ZYG11B: variants seen among roughly 807,000 people sequenced by gnomAD.
ZYG11B encodes the protein protein zyg-11 homolog B.
A neutral mutation model predicts 82.4 loss-of-function variants in ZYG11B; 36 were observed. The observed-to-expected ratio is 0.44, with a 90% CI of 0.33 to 0.58. ZYG11B has a LOEUF of 0.58. ZYG11B is among the 20% of genes least tolerant of loss of function. The pLI, the probability that ZYG11B is intolerant of heterozygous loss-of-function variation, is 0.02. For synonymous variants in ZYG11B, 303 were observed against 312.8 expected (o/e 0.97, Z 0.33); for missense variants, 552 against 895.6 (o/e 0.62, Z 4.90).
At chr1:52,789,887 AAATAACT>A in intron 5 of ZYG11B, 109 bp from the exon 6 acceptor site, 1 of 649,134 alleles carries the variant, frequency 1.5e-6, no homozygotes, top group Non-Finnish European at 2.4e-6. Context: ...AGATTGTAAG[AAATAACT>A]GGTGTTTCAT....
intron 10 of ZYG11B, among the ~76,000 whole-genome samples, chr1:52,808,302 T>C (rs1645157709): frequency 6.6e-6 from 1 of 151,928 alleles, no homozygotes; most frequent in Non-Finnish European, 1.5e-5. Context: ...AGACGGAGGT[T>C]GCAGTGAGCC....
chr1:52,787,506 C>G (rs1487866931), intron 5 of ZYG11B, among the ~76,000 whole-genome samples: 1 of 152,200 alleles, frequency 6.6e-6, no homozygotes, highest in Non-Finnish European at 1.5e-5. Flanking sequence ...GATTCTTTTT[C>G]TGAAACTGAG....
intron 13 of ZYG11B, among the ~76,000 whole-genome samples, chr1:52,818,253 G>C (rs1225175197): frequency 6.6e-6 from 1 of 152,076 alleles, no homozygotes; most frequent in East Asian, 1.9e-4. Flanking sequence ...TGAGTGGATC[G>C]CTTGAGCCCG....
Position 52,800,818 on chromosome 1 carries a change from T to TA in ZYG11B, c.1486-993dup, listed in dbSNP as rs1352955264. Among the ~76,000 whole-genome samples the TA allele has an allele frequency of 6.6e-5, 10 of 151,596 alleles. No homozygotes were observed. In the South Asian group the frequency reaches 1.9e-3, roughly 28 times the overall value. Reference sequence around the variant, plus strand: ...CAGCAAGACTCTGTCCCAAAAAAATTAAAAAAAAGGAATTAGTAATAGTAG... The same window carrying TA: ...CAGCAAGACTCTGTCCCAAAAAAATTAAAAAAAAAGGAATTAGTAATAGTAG... On this transcript the variant is annotated intron_variant, in intron 8 of 13. Transcript: ENST00000294353.
At chr1:52,770,586 A>G (rs1644741252) in intron 2 of ZYG11B, among the ~76,000 whole-genome samples, 1 of 151,956 alleles carries the variant, frequency 6.6e-6, no homozygotes. Flanking sequence ...ATATAACTAT[A>G]CTCTCTAGAA....
intron 1 of ZYG11B, among the ~76,000 whole-genome samples, chr1:52,744,458 T>C (rs1301427051): frequency 6.6e-6 from 1 of 152,242 alleles, no homozygotes; most frequent in Non-Finnish European, 1.5e-5. Flanking sequence ...CTACATAGGA[T>C]AGAACTGAGT....
chr1:52,805,561 G>T, intron 10 of ZYG11B: 1 of 451,964 alleles, frequency 2.2e-6, no homozygotes, highest in Non-Finnish European at 4.4e-6. Flanking sequence ...GTTGGGTGCA[G>T]TGGCTCATGC....
intron 8 of ZYG11B, among the ~76,000 whole-genome samples, chr1:52,797,788 C>T (rs1163243876): frequency 1.3e-5 from 2 of 150,226 alleles, no homozygotes; most frequent in Non-Finnish European, 3.0e-5. Context: ...GGATTACAGG[C>T]GTGAGCCACC....
At chr1:52,758,916 A>T (rs1295120619) in intron 2 of ZYG11B, among the ~76,000 whole-genome samples, 1 of 151,972 alleles carries the variant, frequency 6.6e-6, no homozygotes, top group African/African-American at 2.4e-5. Context: ...CAATTTAATG[A>T]TTATGCTCAG....
rs777104242 is a variant in ZYG11B at position 52,771,204 on chromosome 1, G to T, written c.381G>T (p.Gly127=). Residue 127 remains glycine, a synonymous_variant, in exon 3 of 14, where the codon GGG becomes GGT. Transcript: ENST00000294353. This position sits in a 1 kb window ranked among gnomAD's most constrained non-coding sequence, Gnocchi z 5.4. Reference sequence around the variant, plus strand: ...TCACGATTACAGACATTATCAGTGGGCTTGGCAGTAACAAATGGATCCAGC... The same window carrying T: ...TCACGATTACAGACATTATCAGTGGTCTTGGCAGTAACAAATGGATCCAGC... ...ADITITDIIS[G]LGSNKWIQQN... The T allele has an allele frequency of 6.2e-6, 10 of 1,614,124 alleles. No individual in the cohort carries two copies. The South Asian group carries it at 9.9e-5, about 16-fold the overall frequency.
intron 8 of ZYG11B, among the ~76,000 whole-genome samples, chr1:52,801,527 G>C (rs1306024347): frequency 8.9e-6 from 1 of 111,840 alleles, no homozygotes; most frequent in Non-Finnish European, 1.7e-5. Context: ...TCTAAAATAA[G>C]TATATGCTGT....
At chr1:52,798,659 AT>A (rs1319429795) in intron 8 of ZYG11B, among the ~76,000 whole-genome samples, 1 of 152,178 alleles carries the variant, frequency 6.6e-6, no homozygotes, top group African/African-American at 2.4e-5. Context: ...GATTTTTGTT[AT>A]TTATATAGAA....
In ZYG11B at chr1:52,825,561, G is replaced by A. The variant is rs550449194; in HGVS notation, c.*3932G>A. 4.6e-4 allele frequency: 70 copies of A among 151,286 alleles called. 1 individual carries two copies. Among genetic ancestry groups the A allele is most frequent in the African/African-American group, 1.4e-3 (57 of 41,142 alleles). 9.4% of individuals were successfully genotyped at this position (151,286 alleles called of 1,614,324 possible). On this transcript the variant is annotated 3_prime_UTR_variant, in exon 14 of 14. Transcript: ENST00000294353. ...ATCAAGTTTTATGTTTAAAACCATC[G>A]GTTCTATATATCTAGCTTTAGGAAG...
chr1:52,771,198 C>T lies in ZYG11B; in HGVS notation c.375C>T (p.Ile125=), dbSNP rs1405363854. 6.2e-7 allele frequency: 1 copy of T among 1,614,134 alleles called. No homozygotes were observed. The highest frequency in any genetic ancestry group is 8.5e-7 in the Non-Finnish European group (1 of 1,180,044). ...VNADITITDI[I]SGLGSNKWIQ... is the part of the protein sequence containing the mutation. ...CTGATATCACGATTACAGACATTATCAGTGGGCTTGGCAGTAACAAATGGA... is the reference window on the plus strand; with the variant it reads ...CTGATATCACGATTACAGACATTATTAGTGGGCTTGGCAGTAACAAATGGA... The change falls in exon 3 of 14, where the codon ATC becomes ATT. Residue 125 remains isoleucine, a synonymous_variant. Coordinates refer to ENST00000294353, the MANE Select transcript of ZYG11B (RefSeq NM_024646.3). This position sits in a 1 kb window ranked among gnomAD's most constrained non-coding sequence, Gnocchi z 5.4.
rs547941456 is a variant in ZYG11B, at chr1:52,803,068, CTA to C, written c.1695+944_1695+945del. ...TTTTTTTTATTTTTTATTTTTGCCA[CTA>C]TATATATATATATACACATATATAT... On this transcript the variant is annotated intron_variant, in intron 10 of 13. Transcript: ENST00000294353. 2.4e-4 allele frequency among the ~76,000 whole-genome samples: 21 copies of C among 88,400 alleles called. No homozygotes were observed. The East Asian group carries it at 2.4e-3, about 10-fold the overall frequency. 58.0% of individuals were successfully genotyped at this position (88,400 alleles called of 152,430 possible). A position where few individuals can be genotyped will look rare whatever the true frequency, so the allele number is the denominator to read the frequency against.
chr1:52,736,362 C>T (rs1208979758), intron 1 of ZYG11B, among the ~76,000 whole-genome samples: 1 of 152,132 alleles, frequency 6.6e-6, no homozygotes, highest in Non-Finnish European at 1.5e-5. Flanking sequence ...TCACTAGAAC[C>T]TCTGCCTCCC....
At chr1:52,776,383 A>T in intron 3 of ZYG11B, among the ~76,000 whole-genome samples, 1 of 149,152 alleles carries the variant, frequency 6.7e-6, no homozygotes, top group Non-Finnish European at 1.5e-5. Flanking sequence ...ATACAAAAAA[A>T]TTTAGCCGGG....
At chr1:52,778,924 GC>G (rs888175090) in intron 3 of ZYG11B, among the ~76,000 whole-genome samples, 12 of 152,172 alleles carry the variant, frequency 7.9e-5, no homozygotes, top group African/African-American at 2.9e-4. Context: ...AGTATTCTGA[GC>G]CAAGCATAAC....
At chr1:52,775,804 G>A (rs1224744435) in intron 3 of ZYG11B, among the ~76,000 whole-genome samples, 46 of 151,744 alleles carry the variant, frequency 3.0e-4, no homozygotes, top group East Asian at 1.9e-4. Context: ...TCGGCCAGGC[G>A]TGGTGGCTCA....
Sources: gnomAD v4.1 joint callset for allele counts (sites outside exome capture counted in the v4.1 genomes callset) on GRCh38, gnomAD v4.1.1 for gene constraint, Gnocchi (gnomAD v3.1) non-coding constraint, MANE v1.5 for transcripts, NCBI Gene and HGNC (gene_info 2026-07-23, HGNC 2026-07-21) for gene names.